GAB2: variants seen among roughly 807,000 people sequenced by gnomAD.
The protein encoded by GAB2 is GRB2 associated binding protein 2.
A neutral mutation model predicts 65.5 loss-of-function variants in GAB2; 26 were observed. The observed-to-expected ratio is 0.40, with a 90% CI of 0.29 to 0.55. The LOEUF (loss-of-function observed/expected upper bound fraction) is 0.55, where lower values mean the gene tolerates loss of function less well. GAB2 is among the 20% of genes least tolerant of loss of function. The pLI is 0.53. For synonymous variants in GAB2, 321 were observed against 329.6 expected, an observed-to-expected ratio of 0.97 and a Z score of 0.28; for missense variants, 884 against 875.8, an observed-to-expected ratio of 1.01 and a Z score of -0.12.
chr11:78,339,576 T>C (rs868052178), intron 1 of GAB2, among the ~76,000 whole-genome samples: 6 of 152,358 alleles, frequency 3.9e-5, no homozygotes, highest in South Asian at 2.1e-4. Context: ...TGATCAACTG[T>C]TGACAGCTGT....
intron 1 of GAB2, among the ~76,000 whole-genome samples, chr11:78,297,985 T>G (rs368331455): frequency 6.6e-6 from 1 of 152,190 alleles, no homozygotes; most frequent in Admixed American, 6.5e-5. Flanking sequence ...CAGGGAACTT[T>G]CACATTTTAA....
intron 1 of GAB2, among the ~76,000 whole-genome samples, chr11:78,331,565 G>T (rs1855914646): frequency 6.6e-6 from 1 of 152,020 alleles, no homozygotes; most frequent in South Asian, 2.1e-4. Flanking sequence ...CATTCTTAAG[G>T]GATAACAAAT....
At chr11:78,337,820 C>T (rs1466342603) in intron 1 of GAB2, among the ~76,000 whole-genome samples, 1 of 152,058 alleles carries the variant, frequency 6.6e-6, no homozygotes, top group Admixed American at 6.6e-5. Context: ...TATAAAGCAG[C>T]ACAAATACAG....
chr11:78,246,006 C>T (rs1033046421), intron 3 of GAB2, among the ~76,000 whole-genome samples: 12 of 148,930 alleles, frequency 8.1e-5, no homozygotes, highest in East Asian at 4.0e-4. Context: ...AGTGCAATGG[C>T]GCAACCTCCG....
At chr11:78,381,797 T>C (rs1856701439) in intron 1 of GAB2, among the ~76,000 whole-genome samples, 1 of 152,110 alleles carries the variant, frequency 6.6e-6, no homozygotes, top group Admixed American at 6.5e-5. Context: ...AAAAGAAATA[T>C]AGTATGGATT....
At chr11:78,402,905 G>A (rs1258320977) in intron 1 of GAB2, among the ~76,000 whole-genome samples, 1 of 152,116 alleles carries the variant, frequency 6.6e-6, no homozygotes, top group African/African-American at 2.4e-5. Context: ...ATTAGGAGGT[G>A]GGTCCTTTGG....
rs368938627 is a variant in GAB2 at position 78,251,149 on chromosome 11, GA to G, written c.377-750del. 9.5e-3 allele frequency among the ~76,000 whole-genome samples: 1,414 copies of G among 148,374 alleles called. 13 individuals are homozygous for G. Among genetic ancestry groups the G allele is most frequent in the African/African-American group, 0.03 (1,200 of 40,500 alleles). On this transcript the variant is annotated intron_variant, in intron 2 of 9. Transcript: ENST00000361507. ...ATGAAATTTAAACATCTAATTACAG[GA>G]AAAAAAAAAGCTAAGGCTGGCTTTG...
intron 2 of GAB2, among the ~76,000 whole-genome samples, chr11:78,273,447 G>C (rs1193270421): frequency 6.6e-6 from 1 of 152,230 alleles, no homozygotes; most frequent in Non-Finnish European, 1.5e-5. Context: ...CTGCCCCACT[G>C]GATTTTGGAC....
intron 1 of GAB2, among the ~76,000 whole-genome samples, chr11:78,343,091 T>A (rs1005226295): frequency 6.6e-6 from 1 of 152,106 alleles, no homozygotes; most frequent in African/African-American, 2.4e-5. Context: ...ACTAAGAATA[T>A]AAATTAGTTA....
At chr11:78,271,170 T>A (rs1296118806) in intron 2 of GAB2, among the ~76,000 whole-genome samples, 1 of 152,232 alleles carries the variant, frequency 6.6e-6, no homozygotes, top group African/African-American at 2.4e-5. Flanking sequence ...TTTTTGTGTG[T>A]AGTACATCTG....
intron 2 of GAB2, among the ~76,000 whole-genome samples, chr11:78,263,547 T>G (rs925594399): frequency 1.3e-5 from 2 of 150,668 alleles, no homozygotes; most frequent in African/African-American, 4.9e-5. Flanking sequence ...GCAGGAGAAT[T>G]GCTTGAACCC....
At chr11:78,343,266 G>C (rs1856128046) in intron 1 of GAB2, among the ~76,000 whole-genome samples, 1 of 152,022 alleles carries the variant, frequency 6.6e-6, no homozygotes, top group Admixed American at 6.6e-5. Context: ...ATAGTGATGA[G>C]ATGAGTAAAA....
At chr11:78,343,247 T>C (rs963445221) in intron 1 of GAB2, among the ~76,000 whole-genome samples, 4 of 152,154 alleles carry the variant, frequency 2.6e-5, no homozygotes, top group Non-Finnish European at 5.9e-5. Context: ...CACTGCACTG[T>C]TGTTAAAAAT....
intron 1 of GAB2, among the ~76,000 whole-genome samples, chr11:78,295,855 T>G (rs1866809301): frequency 6.6e-6 from 1 of 152,184 alleles, no homozygotes; most frequent in Non-Finnish European, 1.5e-5. Flanking sequence ...TGACTCTTGT[T>G]ATTTCTGGTA....
At position 78,291,564 on chromosome 11, in the gene GAB2, T is replaced by C. The variant is rs867946628; in HGVS notation, c.76-10663A>G. ...AGAGACTTACTTTTTTCTTTTTCTTTTTTTTTTTTTTTTTTTTTTTTTTTT... is the reference window on the plus strand; with the variant it reads ...AGAGACTTACTTTTTTCTTTTTCTTCTTTTTTTTTTTTTTTTTTTTTTTTT... On this transcript the variant is annotated intron_variant, in intron 1 of 9. Coordinates refer to ENST00000361507, the MANE Select transcript of GAB2 (RefSeq NM_080491.3). 5.5e-3 allele frequency among the ~76,000 whole-genome samples: 460 copies of C among 83,978 alleles called. 22 individuals carry two copies. The highest frequency in any genetic ancestry group is 8.0e-3 in the Non-Finnish European group (321 of 40,154). 55.1% of individuals were successfully genotyped at this position (83,978 alleles called of 152,430 possible).
intron 1 of GAB2, among the ~76,000 whole-genome samples, chr11:78,357,203 GGAAA>G (rs1464828812): frequency 6.6e-6 from 1 of 152,126 alleles, no homozygotes; most frequent in Non-Finnish European, 1.5e-5. Flanking sequence ...CAGAAATTCT[GGAAA>G]GAAAGAGAGC....
chr11:78,228,990 T>C (rs934487956), intron 3 of GAB2, among the ~76,000 whole-genome samples: 4 of 152,222 alleles, frequency 2.6e-5, no homozygotes, highest in Non-Finnish European at 4.4e-5. Context: ...AATTTCCATC[T>C]GGGCCAGGCA....
intron 1 of GAB2, among the ~76,000 whole-genome samples, chr11:78,295,677 G>A (rs1317928192): frequency 6.6e-6 from 1 of 152,222 alleles, no homozygotes; most frequent in African/African-American, 2.4e-5. Context: ...CACATGAACA[G>A]TGGATGCTTG....
chr11:78,305,706 T>A (rs145519395), intron 1 of GAB2, among the ~76,000 whole-genome samples: 3 of 152,330 alleles, frequency 2.0e-5, no homozygotes, highest in African/African-American at 7.2e-5. Flanking sequence ...TAAATAAATA[T>A]TAGAGTTGAA....
Sources: allele counts gnomAD v4.1 joint callset (sites outside exome capture counted in the v4.1 genomes callset), GRCh38; gene constraint gnomAD v4.1.1; transcripts MANE v1.5; gene names NCBI Gene and HGNC (gene_info 2026-07-23, HGNC 2026-07-21).